NTM: variants seen among roughly 807,000 people sequenced by gnomAD.
NTM encodes neurotrimin, also known as IgLON family member 2.
A neutral mutation model predicts 42.1 loss-of-function variants in NTM; 13 were observed. That is an observed-to-expected ratio of 0.31 (90% CI 0.20 to 0.49). The LOEUF is 0.49. NTM is among the 20% of genes least tolerant of loss of function. The pLI is 0.99. For missense variants in NTM, 373 were observed against 452.8 expected, an observed-to-expected ratio of 0.82 and a Z score of 1.60; for synonymous variants, 187 against 179.2, an observed-to-expected ratio of 1.04 and a Z score of -0.35.
intron 3 of NTM, among the ~76,000 whole-genome samples, chr11:132,170,276 T>G (rs2075938839): frequency 6.6e-6 from 1 of 152,248 alleles, no homozygotes; most frequent in Non-Finnish European, 1.5e-5. Context: ...GTCATGGGGA[T>G]TCCAGATCAT....
intron 1 of NTM, among the ~76,000 whole-genome samples, chr11:131,511,199 C>A (rs1371629330): frequency 1.3e-5 from 2 of 152,188 alleles, no homozygotes; most frequent in East Asian, 3.8e-4. Flanking sequence ...ACAGAGGCAT[C>A]TGAGCAGGGA....
At chr11:132,203,230 C>G (rs763771996) in intron 3 of NTM, among the ~76,000 whole-genome samples, 4 of 152,110 alleles carry the variant, frequency 2.6e-5, no homozygotes, top group Non-Finnish European at 5.9e-5. Context: ...CCAAAACAGC[C>G]CCCTACTGCA....
intron 1 of NTM, among the ~76,000 whole-genome samples, chr11:131,842,522 TCTG>T (rs759022643): frequency 1.1e-3 from 163 of 152,248 alleles, no homozygotes; most frequent in Admixed American, 2.8e-3. Context: ...TGTCCACAAA[TCTG>T]CTGACTCCTG....
At chr11:131,537,326 A>G (rs2052422627) in intron 1 of NTM, 1 of 152,218 alleles carries the variant, frequency 6.6e-6, no homozygotes, top group Non-Finnish European at 1.5e-5. Flanking sequence ...TCTCCCAAGC[A>G]GGGGCAGTAA....
intron 1 of NTM, among the ~76,000 whole-genome samples, chr11:131,502,594 C>T (rs1190250772): frequency 6.6e-6 from 1 of 152,082 alleles, no homozygotes; most frequent in East Asian, 1.9e-4. Context: ...CTGCTGCATT[C>T]CCCGGCGTCT....
At chr11:131,973,593 G>C (rs1293357749) in intron 2 of NTM, among the ~76,000 whole-genome samples, 1 of 152,218 alleles carries the variant, frequency 6.6e-6, no homozygotes, top group Admixed American at 6.5e-5. Context: ...ACAGTGGGCA[G>C]ATCACCTGAG....
chr11:132,034,562 G>A (rs1473811917), intron 2 of NTM, among the ~76,000 whole-genome samples: 3 of 152,208 alleles, frequency 2.0e-5, no homozygotes, highest in African/African-American at 4.8e-5. Flanking sequence ...ATCCCAGAGG[G>A]CATTTGGGTT....
chr11:132,133,262 G>A (rs569153724), intron 2 of NTM, among the ~76,000 whole-genome samples: 25 of 152,012 alleles, frequency 1.6e-4, no homozygotes, highest in Non-Finnish European at 2.4e-4. Context: ...CTCCACACAC[G>A]TCTACTTTCT....
chr11:132,030,736 A>G (rs1163455308), intron 2 of NTM, among the ~76,000 whole-genome samples: 3 of 152,230 alleles, frequency 2.0e-5, no homozygotes, highest in Non-Finnish European at 4.4e-5. Context: ...ATTCTGAGAA[A>G]GGGAACAAAA....
intron 2 of NTM, among the ~76,000 whole-genome samples, chr11:132,124,628 C>G (rs549929543): frequency 1.3e-5 from 2 of 152,040 alleles, no homozygotes; most frequent in African/African-American, 4.8e-5. Context: ...TGTGTGCGCG[C>G]GCACGCGCAG....
Position 131,583,713 on chromosome 11 carries a change from G to T in NTM, c.82+212825G>T, listed in dbSNP as rs145761694. ...TGAATCCTGCCTCACATCACACAAC[G>T]AATTGGAGGCAGGACTCTTTAGTTT... On this transcript the variant is annotated intron_variant, in intron 1 of 8. Coordinates refer to ENST00000683400, the MANE Select transcript of NTM (RefSeq NM_001352005.2). Among the ~76,000 whole-genome samples the T allele has an allele frequency of 1.7e-3, 260 of 152,300 alleles. 1 individual carries two copies. The highest frequency in any genetic ancestry group is 6.1e-3 in the African/African-American group (252 of 41,560).
intron 2 of NTM, among the ~76,000 whole-genome samples, chr11:131,918,385 T>C (rs2056738101): frequency 1.3e-5 from 2 of 152,254 alleles, no homozygotes; most frequent in Admixed American, 1.3e-4. Flanking sequence ...GCTTTGACTC[T>C]CATTCCATGT....
chr11:132,017,239 T>C (rs2073581530), intron 2 of NTM, among the ~76,000 whole-genome samples: 1 of 152,052 alleles, frequency 6.6e-6, no homozygotes, highest in African/African-American at 2.4e-5. Flanking sequence ...ATTTTTCTTC[T>C]ACATTTTCTC....
chr11:131,373,714 C>A (rs561191436), intron 1 of NTM, among the ~76,000 whole-genome samples: 6 of 152,252 alleles, frequency 3.9e-5, no homozygotes, highest in African/African-American at 1.4e-4. Context: ...GCAGCTTCCT[C>A]TTTCTAGAAA....
intron 7 of NTM, among the ~76,000 whole-genome samples, chr11:132,316,280 A>G (rs2136193339): frequency 6.6e-6 from 1 of 152,330 alleles, no homozygotes; most frequent in Admixed American, 6.5e-5. Context: ...TAAGAGTTGA[A>G]TAGATGACAT....
intron 4 of NTM, among the ~76,000 whole-genome samples, chr11:132,255,164 T>C (rs1417464363): frequency 1.3e-5 from 2 of 152,248 alleles, no homozygotes; most frequent in Non-Finnish European, 2.9e-5. Context: ...TTTGCCAAGA[T>C]AAATTTGAGC....
chr11:132,310,008 A>T, intron 5 of NTM, 104 bp from the exon 6 acceptor site: 1 of 1,398,116 alleles, frequency 7.2e-7, no homozygotes, highest in South Asian at 1.6e-5. Context: ...GTGAGCCAAG[A>T]TCATGCCACT....
intron 1 of NTM, among the ~76,000 whole-genome samples, chr11:131,436,404 G>T (rs558509125): frequency 2.6e-5 from 4 of 152,206 alleles, no homozygotes; most frequent in Non-Finnish European, 5.9e-5. Context: ...CTATGAATCC[G>T]TCTGGTCCTG....
At chr11:131,983,305 A>T (rs2134958045) in intron 2 of NTM, among the ~76,000 whole-genome samples, 1 of 152,152 alleles carries the variant, frequency 6.6e-6, no homozygotes, top group East Asian at 1.9e-4. Flanking sequence ...AATTGTGTAA[A>T]TTATTAAAAA....
Sources: allele counts gnomAD v4.1 joint callset (sites outside exome capture counted in the v4.1 genomes callset), GRCh38; gene constraint gnomAD v4.1.1; transcripts MANE v1.5; gene names NCBI Gene and HGNC (gene_info 2026-07-23, HGNC 2026-07-21).